The following ZFHX3 variants were observed in gnomAD, a reference collection of about 807,000 sequenced individuals.
ZFHX3 encodes the protein zinc finger homeobox 3, also known as zinc finger homeobox protein 3.
In ZFHX3, 42 loss-of-function variants were observed where a neutral mutation model predicts 279.1. That is an observed-to-expected ratio of 0.15 (90% confidence interval 0.12 to 0.19). The LOEUF (loss-of-function observed/expected upper bound fraction) is 0.19, where lower values mean the gene tolerates loss of function less well. Ranked by LOEUF, ZFHX3 falls within the 10% of genes least tolerant of loss-of-function variation. ZFHX3 has a pLI of 1.00. For missense variants in ZFHX3, 4,981 were observed against 4,754.0 expected (o/e 1.05, Z -1.40); for synonymous variants, 2,293 against 1,957.8 (o/e 1.17, Z -4.52).
intron 4 of ZFHX3, among the ~76,000 whole-genome samples, chr16:73,298,515 TTC>T (rs1393296920): frequency 2.0e-5 from 3 of 151,856 alleles, no homozygotes; most frequent in African/African-American, 7.3e-5. Flanking sequence ...TTTTTTTTTT[TTC>T]ACTTCTTTAA....
At chr16:73,472,275 A>G (rs2018681448) in intron 2 of ZFHX3, among the ~76,000 whole-genome samples, 1 of 151,728 alleles carries the variant, frequency 6.6e-6, no homozygotes, top group Non-Finnish European at 1.5e-5. Flanking sequence ...TCTTAAAAAA[A>G]AAAAAAAAAA....
At chr16:72,896,680 G>A (rs1015723328) in intron 3 of ZFHX3, among the ~76,000 whole-genome samples, 12 of 152,238 alleles carry the variant, frequency 7.9e-5, no homozygotes, top group African/African-American at 2.9e-4. Flanking sequence ...TGTTTCCCAG[G>A]GAAAACTAAC....
At chr16:73,196,587 A>C (rs1968154650) in intron 5 of ZFHX3, among the ~76,000 whole-genome samples, 1 of 152,146 alleles carries the variant, frequency 6.6e-6, no homozygotes, top group Non-Finnish European at 1.5e-5. Context: ...GCCAGAAAAA[A>C]AAAAAAAGTG....
intron 1 of ZFHX3, among the ~76,000 whole-genome samples, chr16:73,781,339 C>G (rs1212648094): frequency 6.6e-6 from 1 of 152,216 alleles, no homozygotes; most frequent in Non-Finnish European, 1.5e-5. Context: ...AAGGCTAGAG[C>G]CTGATCATTT....
chr16:73,062,414 G>A (rs1322684170), upstream of ZFHX3: 2 of 152,222 alleles, frequency 1.3e-5, no homozygotes, highest in Admixed American at 1.3e-4. Flanking sequence ...AGCTGTGTGA[G>A]TGCTCGCTCA....
At chr16:73,821,664 G>C (rs1023805899) in intron 1 of ZFHX3, among the ~76,000 whole-genome samples, 1 of 152,230 alleles carries the variant, frequency 6.6e-6, no homozygotes. Flanking sequence ...GAGGTATGAG[G>C]AAGCTAGATT....
intron 1 of ZFHX3, among the ~76,000 whole-genome samples, chr16:73,845,160 T>C (rs1961416228): frequency 6.6e-6 from 1 of 152,118 alleles, no homozygotes; most frequent in Non-Finnish European, 1.5e-5. Flanking sequence ...AGGAACTAAA[T>C]ATTGAAACAT....
chr16:73,519,673 G>A (rs559523820), intron 2 of ZFHX3, among the ~76,000 whole-genome samples: 1 of 152,098 alleles, frequency 6.6e-6, no homozygotes, highest in East Asian at 1.9e-4. Context: ...CTATTCCCAG[G>A]GACTTCAAAG....
At chr16:73,304,961 T>G (rs957585795) in intron 4 of ZFHX3, among the ~76,000 whole-genome samples, 1 of 152,200 alleles carries the variant, frequency 6.6e-6, no homozygotes, top group Non-Finnish European at 1.5e-5. Context: ...TTTTTATTCT[T>G]GTGCCGTCTG....
chr16:73,423,527 A>G (rs747700243), intron 3 of ZFHX3, among the ~76,000 whole-genome samples: 3 of 152,158 alleles, frequency 2.0e-5, no homozygotes. Flanking sequence ...AATGGAAGGA[A>G]AGCCTGCTGA....
chr16:72,906,932 A>T (rs1421890700), intron 3 of ZFHX3, among the ~76,000 whole-genome samples: 1 of 152,204 alleles, frequency 6.6e-6, no homozygotes, highest in Admixed American at 6.5e-5. Context: ...TGCCAGGTGG[A>T]AAGCATCAGG....
intron 1 of ZFHX3, among the ~76,000 whole-genome samples, chr16:73,003,723 A>G (rs1404418105): frequency 6.6e-6 from 1 of 151,898 alleles, no homozygotes; most frequent in African/African-American, 2.4e-5. Flanking sequence ...AAACAAACAA[A>G]CAAAAAGGAT....
At chr16:73,456,493 C>T (rs575684674) in intron 2 of ZFHX3, among the ~76,000 whole-genome samples, 5 of 152,254 alleles carry the variant, frequency 3.3e-5, no homozygotes, top group South Asian at 4.1e-4. Context: ...AGCAATTGGG[C>T]GTCCTTGGTG....
At chr16:72,913,869 A>G (rs1289968141) in intron 3 of ZFHX3, among the ~76,000 whole-genome samples, 1 of 152,228 alleles carries the variant, frequency 6.6e-6, no homozygotes, top group East Asian at 1.9e-4. Flanking sequence ...AAGCAATGCC[A>G]AGAGATTCAG....
intron 2 of ZFHX3, among the ~76,000 whole-genome samples, chr16:73,658,003 G>T (rs978027953): frequency 6.6e-6 from 1 of 152,160 alleles, no homozygotes; most frequent in Admixed American, 6.5e-5. Context: ...TTGACTGTAA[G>T]TCAGAAGACA....
intron 1 of ZFHX3, among the ~76,000 whole-genome samples, chr16:73,055,172 T>A (rs1965521961): frequency 6.6e-6 from 1 of 152,140 alleles, no homozygotes; most frequent in African/African-American, 2.4e-5. Context: ...TAACTGGTCT[T>A]GTGCACTGTC....
At chr16:73,147,691 C>CAAAAAAA (rs56079754) in intron 5 of ZFHX3, among the ~76,000 whole-genome samples, 12 of 40,896 alleles carry the variant, frequency 2.9e-4, no homozygotes, top group African/African-American at 1.1e-3. Context: ...GACTCCGTCT[C>CAAAAAAA]AAAAAAAAAA....
chr16:73,037,752 T>C (rs1474129008), intron 1 of ZFHX3, among the ~76,000 whole-genome samples: 1 of 152,076 alleles, frequency 6.6e-6, no homozygotes, highest in Admixed American at 6.5e-5. Context: ...CCTTCGTGTG[T>C]TATAAAATGC....
At chr16:73,439,104 G>C (rs1005564893) in intron 3 of ZFHX3, among the ~76,000 whole-genome samples, 5 of 152,166 alleles carry the variant, frequency 3.3e-5, no homozygotes, top group African/African-American at 1.2e-4. Context: ...CAAATTAATA[G>C]AACCTAGCTT....
Sources: allele counts gnomAD v4.1 joint callset (sites outside exome capture counted in the v4.1 genomes callset), GRCh38; gene constraint gnomAD v4.1.1; transcripts MANE v1.5; gene names NCBI Gene and HGNC (gene_info 2026-07-23, HGNC 2026-07-21).